Variants in PDZK1 observed in about 807,000 individuals in gnomAD.
PDZK1 encodes Na(+)/H(+) exchange regulatory cofactor NHE-RF3.
PDZK1 carries 23 observed loss-of-function variants against 38.1 expected under a neutral mutation model. That is an observed-to-expected ratio of 0.60 (90% CI 0.43 to 0.85). The LOEUF is 0.85. Ranked by LOEUF, PDZK1 falls within the 40% of genes least tolerant of loss-of-function variation. The probability of loss-of-function intolerance (pLI) is 0.00; values close to 1 mark genes in which losing one functional copy is unlikely to be tolerated. For synonymous variants in PDZK1, 98 were observed against 186.2 expected (o/e 0.53, Z 3.86); for missense variants, 297 against 504.3 (o/e 0.59, Z 3.94).
At chr1:145,677,936 A>G (rs1444642977) in intron 6 of PDZK1, among the ~76,000 whole-genome samples, 1 of 148,964 alleles carries the variant, frequency 6.7e-6, no homozygotes. Context: ...AAAAAAAAAA[A>G]AAACCTTAAA....
intron 1 of PDZK1, among the ~76,000 whole-genome samples, chr1:145,690,563 A>C (rs186979751): frequency 6.6e-6 from 1 of 152,322 alleles, no homozygotes; most frequent in Non-Finnish European, 1.5e-5. Context: ...ATGTCCTTAT[A>C]ATCAGAATAA....
chr1:145,702,964 C>T (rs1656050693), intron 1 of PDZK1, among the ~76,000 whole-genome samples: 1 of 152,152 alleles, frequency 6.6e-6, no homozygotes, highest in Non-Finnish European at 1.5e-5. Context: ...CTCAGGCCCC[C>T]AGCTCCTCAG....
intron 5 of PDZK1, among the ~76,000 whole-genome samples, chr1:145,680,108 C>G (rs1654086106): frequency 6.6e-6 from 1 of 152,124 alleles, no homozygotes; most frequent in Non-Finnish European, 1.5e-5. Context: ...TGAATTATCA[C>G]AGTGCTTGAT....
chr1:145,683,520 G>A (rs1265238572), intron 3 of PDZK1, among the ~76,000 whole-genome samples: 2 of 152,178 alleles, frequency 1.3e-5, no homozygotes, highest in Non-Finnish European at 2.9e-5. Context: ...AGGGAGGGAA[G>A]AACCCGAATG....
chr1:145,692,443 G>T (rs1655293973), intron 1 of PDZK1, among the ~76,000 whole-genome samples: 1 of 152,188 alleles, frequency 6.6e-6, no homozygotes, highest in Non-Finnish European at 1.5e-5. Context: ...TGGCATGGTG[G>T]CTCACGCCTG....
intron 5 of PDZK1, among the ~76,000 whole-genome samples, chr1:145,679,690 A>G (rs587718621): frequency 2.0e-5 from 3 of 152,274 alleles, no homozygotes; most frequent in African/African-American, 4.8e-5. Context: ...CAAGCCCTCA[A>G]TTTCAGCAGT....
intron 8 of PDZK1, among the ~76,000 whole-genome samples, chr1:145,672,130 A>T (rs1416959319): frequency 6.6e-5 from 10 of 152,346 alleles, no homozygotes; most frequent in Non-Finnish European, 8.8e-5. Context: ...TAAAACTGAG[A>T]CTTACCAAGA....
At chr1:145,704,717 G>T (rs1379750395) in intron 1 of PDZK1, among the ~76,000 whole-genome samples, 1 of 152,190 alleles carries the variant, frequency 6.6e-6, no homozygotes, top group Non-Finnish European at 1.5e-5. Flanking sequence ...AAAGAAAGAA[G>T]TTGCTGAGAT....
intron 1 of PDZK1, among the ~76,000 whole-genome samples, chr1:145,705,847 C>G (rs1656216769): frequency 6.6e-6 from 1 of 152,126 alleles, no homozygotes. Flanking sequence ...ACCCCCTGGG[C>G]TCAAGCAACC....
At chr1:145,679,468 G>A (rs1246586325) in intron 5 of PDZK1, among the ~76,000 whole-genome samples, 3 of 152,058 alleles carry the variant, frequency 2.0e-5, no homozygotes, top group Admixed American at 1.3e-4. Flanking sequence ...CCTGAATGCA[G>A]TTTGTATTAG....
intron 6 of PDZK1, chr1:145,674,305 G>A (rs1317730483): frequency 4.3e-5 from 42 of 982,168 alleles, no homozygotes; most frequent in Middle Eastern, 5.3e-4. Flanking sequence ...TTTTCCTTTC[G>A]GTAAGATGGT....
At chr1:145,675,277 A>G (rs1653534949) in intron 6 of PDZK1, among the ~76,000 whole-genome samples, 1 of 145,638 alleles carries the variant, frequency 6.9e-6, no homozygotes, top group Non-Finnish European at 1.5e-5. Context: ...GGACCTGGGT[A>G]TGGTGTGATC....
chr1:145,688,038 A>T lies in PDZK1; in HGVS notation c.-2-15T>A, dbSNP rs1553702338. ...GGAGGTCATTTCTGTGATGAAAAAA[A>T]TAAATTAATAAAACCATGGAAAAGA... On this transcript the variant is annotated splice_polypyrimidine_tract_variant and intron_variant, in intron 1 of 8. Coordinates refer to ENST00000417171, the MANE Select transcript of PDZK1 (RefSeq NM_001201325.2). 1.3e-6 allele frequency: 2 copies of T among 1,592,326 alleles called. No individual in the cohort carries two copies. The highest frequency in any genetic ancestry group is 3.3e-5 in the Admixed American group (2 of 59,952).
At chr1:145,705,591 A>G (rs1360391949) in intron 1 of PDZK1, among the ~76,000 whole-genome samples, 3 of 152,212 alleles carry the variant, frequency 2.0e-5, no homozygotes, top group Non-Finnish European at 4.4e-5. Flanking sequence ...ATCTGGTCTC[A>G]ACTTCTTATT....
intron 3 of PDZK1, 127 bp downstream of exon 3, chr1:145,686,350 C>T: frequency 1.8e-6 from 2 of 1,138,240 alleles, no homozygotes; most frequent in Admixed American, 2.3e-5. Context: ...CAAGCTGTTG[C>T]AAGCTATCTA....
intron 3 of PDZK1, among the ~76,000 whole-genome samples, chr1:145,683,343 G>T (rs1314401841): frequency 2.0e-5 from 3 of 152,322 alleles, no homozygotes. Context: ...ACCAGAAAGC[G>T]CTAAAACATG....
At chr1:145,685,990 G>A (rs1474966663) in intron 3 of PDZK1, among the ~76,000 whole-genome samples, 1 of 152,170 alleles carries the variant, frequency 6.6e-6, no homozygotes, top group Non-Finnish European at 1.5e-5. Context: ...AGGTAACAGT[G>A]CCTGGCACAT....
chr1:145,687,814 G>A lies in PDZK1; in HGVS notation c.208C>T (p.Gln70Ter). 6.2e-7 allele frequency: 1 copy of A among 1,609,128 alleles called. No individual in the cohort carries two copies. The highest frequency in any genetic ancestry group is 8.5e-7 in the Non-Finnish European group (1 of 1,175,424). ...GVFVDKEEHM[Q>*]VVDLVRKSGN... ...AAAGCCCCAAATGTCTCATTCACCT[G>A]CATATGTTCTTCTTTGTCCACAAAG... Residue 70 changes from glutamine (Q) to a stop codon, truncating the protein, a stop_gained and splice_region_variant, in exon 2 of 9, where the codon CAG becomes TAG. Coordinates refer to ENST00000417171, the MANE Select transcript of PDZK1 (RefSeq NM_001201325.2). LOFTEE classifies it high-confidence loss of function.
At chr1:145,703,179 CT>C (rs1656064512) in intron 1 of PDZK1, among the ~76,000 whole-genome samples, 1 of 152,166 alleles carries the variant, frequency 6.6e-6, no homozygotes. Flanking sequence ...ATCATTTCAT[CT>C]TCTGAATTTC....
Sources: gnomAD v4.1 joint callset for allele counts (sites outside exome capture counted in the v4.1 genomes callset) on GRCh38, gnomAD v4.1.1 for gene constraint, MANE v1.5 for transcripts, NCBI Gene and HGNC (gene_info 2026-07-23, HGNC 2026-07-21) for gene names.